Variants in CFAP96 observed in about 807,000 individuals in gnomAD.
CFAP96 encodes the protein cilia and flagella associated protein 96.
chr4:185,423,703 T>C, the CFAP96 span, among the ~76,000 whole-genome samples: 3 of 152,170 alleles, frequency 2.0e-5, no homozygotes, highest in African/African-American at 4.8e-5. Flanking sequence ...CTTGGATCCA[T>C]ATACTGTTTC....
At chr4:185,416,089 TAGA>T in the CFAP96 span, 30 of 361,836 alleles carry the variant, frequency 8.3e-5, no homozygotes, top group African/African-American at 5.4e-4. Flanking sequence ...GACCAGCCAG[TAGA>T]AGGACTTTTA....
chr4:185,417,673 C>T, the CFAP96 span, among the ~76,000 whole-genome samples: 8 of 152,288 alleles, frequency 5.3e-5, no homozygotes, highest in South Asian at 1.7e-3. Flanking sequence ...GCCTTGAAGA[C>T]GCATCTCCAT....
At chr4:185,413,186 C>G in the CFAP96 span, among the ~76,000 whole-genome samples, 1 of 151,416 alleles carries the variant, frequency 6.6e-6, no homozygotes, top group Non-Finnish European at 1.5e-5. Flanking sequence ...GTGCCTGTAA[C>G]CCTAGCTACT....
the CFAP96 span, among the ~76,000 whole-genome samples, chr4:185,418,230 T>TA: frequency 2.0e-5 from 3 of 152,130 alleles, no homozygotes; most frequent in East Asian, 3.9e-4. Flanking sequence ...GAAAGCATTA[T>TA]AAAAAAACCC....
At chr4:185,425,002 C>G in the CFAP96 span, among the ~76,000 whole-genome samples, 1 of 152,156 alleles carries the variant, frequency 6.6e-6, no homozygotes, top group Non-Finnish European at 1.5e-5. Context: ...GCAGGGCCAT[C>G]GATGAGTGAA....
chr4:185,440,564 T>C, the CFAP96 span: 14 of 1,527,800 alleles, frequency 9.2e-6, no homozygotes, highest in Non-Finnish European at 1.2e-5. Flanking sequence ...GCACCATCGT[T>C]TACTTAAAGG....
chr4:185,413,635 TAATG>T, the CFAP96 span: 2 of 1,220,870 alleles, frequency 1.6e-6, no homozygotes, highest in East Asian at 2.5e-5. Flanking sequence ...AATGAATACA[TAATG>T]AATCAAGTCT....
chr4:185,438,629 T>A, the CFAP96 span, among the ~76,000 whole-genome samples: 1 of 152,234 alleles, frequency 6.6e-6, no homozygotes, highest in Admixed American at 6.5e-5. Context: ...GGATGTCAAA[T>A]ACTAGGAATT....
chr4:185,434,658 AAGAG>A, the CFAP96 span, among the ~76,000 whole-genome samples: 10 of 142,176 alleles, frequency 7.0e-5, no homozygotes, highest in Non-Finnish European at 1.1e-4. Flanking sequence ...TGTTTCCAAA[AAGAG>A]AGACTAGTGT....
the CFAP96 span, among the ~76,000 whole-genome samples, chr4:185,419,288 C>T: frequency 6.6e-6 from 1 of 152,154 alleles, no homozygotes; most frequent in Non-Finnish European, 1.5e-5. Context: ...CCCGCCACCA[C>T]ACCTGGCTAA....
chr4:185,429,793 C>T, the CFAP96 span, among the ~76,000 whole-genome samples: 1 of 152,218 alleles, frequency 6.6e-6, no homozygotes, highest in South Asian at 2.1e-4. Flanking sequence ...TCTTCAGCCT[C>T]CTGAGTCTAC....
chr4:185,417,854 G>C, the CFAP96 span, among the ~76,000 whole-genome samples: 1 of 152,094 alleles, frequency 6.6e-6, no homozygotes, highest in African/African-American at 2.4e-5. Context: ...GACCAGCGTG[G>C]CCAACCTGGT....
At chr4:185,412,169 T>C in the CFAP96 span, among the ~76,000 whole-genome samples, 2 of 152,240 alleles carry the variant, frequency 1.3e-5, no homozygotes, top group Non-Finnish European at 2.9e-5. Flanking sequence ...TATTACATGA[T>C]AAATATGTAA....
At chr4:185,439,088 A>G in the CFAP96 span, among the ~76,000 whole-genome samples, 1 of 152,256 alleles carries the variant, frequency 6.6e-6, no homozygotes, top group Non-Finnish European at 1.5e-5. Flanking sequence ...TGATCCTAAA[A>G]CATTACATTA....
At chr4:185,441,947 A>T in the CFAP96 span, among the ~76,000 whole-genome samples, 2 of 152,120 alleles carry the variant, frequency 1.3e-5, no homozygotes, top group South Asian at 2.1e-4. Context: ...ACTGATTTTT[A>T]AAAAATCAAG....
chr4:185,436,434 G>A, the CFAP96 span: 22 of 1,108,036 alleles, frequency 2.0e-5, no homozygotes, highest in South Asian at 6.8e-5. Flanking sequence ...ACTTGAGGCC[G>A]GGCACGGTGG....
the CFAP96 span, among the ~76,000 whole-genome samples, chr4:185,421,288 C>G: frequency 6.6e-6 from 1 of 152,158 alleles, no homozygotes; most frequent in African/African-American, 2.4e-5. Flanking sequence ...TAAAGGATGG[C>G]CAGCTGCAAT....
chr4:185,421,529 T>A, the CFAP96 span, among the ~76,000 whole-genome samples: 1 of 152,072 alleles, frequency 6.6e-6, no homozygotes, highest in Non-Finnish European at 1.5e-5. Flanking sequence ...CCTCCTCTCT[T>A]TTGCTCCTTC....
At chr4:185,436,291 A>G in the CFAP96 span, 3 of 1,551,118 alleles carry the variant, frequency 1.9e-6, no homozygotes, top group East Asian at 2.4e-5. Context: ...TAGCTATGCA[A>G]ATATTACCAT....
Sources: allele counts gnomAD v4.1 joint callset (sites outside exome capture counted in the v4.1 genomes callset), GRCh38; gene constraint gnomAD v4.1.1; transcripts MANE v1.5; gene names NCBI Gene and HGNC (gene_info 2026-07-23, HGNC 2026-07-21).